Variants in CACNA1D observed in about 807,000 individuals in gnomAD.
CACNA1D encodes the protein calcium voltage-gated channel subunit alpha1 D.
In CACNA1D, 55 loss-of-function variants were observed where a neutral mutation model predicts 257.1. The observed-to-expected ratio is 0.21, with a 90% confidence interval of 0.17 to 0.27. The LOEUF (loss-of-function observed/expected upper bound fraction) is 0.27. Ranked by LOEUF, CACNA1D falls within the 10% of genes least tolerant of loss-of-function variation. CACNA1D has a pLI of 1.00. For missense variants in CACNA1D, 1,876 were observed against 2,784.0 expected (o/e 0.67, Z 7.34); for synonymous variants, 980 against 1,014.9 (o/e 0.97, Z 0.65).
chr3:53,645,287 T>C (rs571154797), intron 3 of CACNA1D, among the ~76,000 whole-genome samples: 1 of 152,326 alleles, frequency 6.6e-6, no homozygotes, highest in Non-Finnish European at 1.5e-5. Context: ...ATTCTGGTGG[T>C]TTTCCCTTTG....
chr3:53,747,485 C>A (rs1024596965), intron 26 of CACNA1D, 37 bp downstream of exon 26: 1 of 1,609,334 alleles, frequency 6.2e-7, no homozygotes, highest in Non-Finnish European at 8.5e-7. Flanking sequence ...TGGAGAGGCA[C>A]CTGCGTGCCC....
Position 53,810,090 on chromosome 3 carries a change from C to T in CACNA1D, c.5984C>T (p.Pro1995Leu), listed in dbSNP as rs780303719. The change falls in exon 47 of 48, where the codon CCG (proline) becomes CTG (leucine). Residue 1995 changes from proline to leucine, a missense_variant. Transcript: ENST00000350061. ...PATPPYRDWT[P>L]CYTPLIQVEQ... is the part of the protein sequence containing the mutation. ...ACCCCTCCCTACCGGGACTGGACAC[C>T]GTGCTACACCCCCCTGATCCAAGTG... The T allele has an allele frequency of 9.9e-6, 16 of 1,613,940 alleles. No homozygotes were observed. The highest frequency in any genetic ancestry group is 1.3e-5 in the African/African-American group (1 of 75,030).
intron 3 of CACNA1D, among the ~76,000 whole-genome samples, chr3:53,517,005 GC>G (rs1446330575): frequency 1.3e-5 from 2 of 152,140 alleles, no homozygotes; most frequent in African/African-American, 4.8e-5. Flanking sequence ...TTGAGTCCCT[GC>G]TCTGTAACTT....
Position 53,522,189 on chromosome 3 carries a change from C to T in CACNA1D, c.483+20469C>T, listed in dbSNP as rs1034996220. On this transcript the variant is annotated intron_variant, in intron 3 of 47. Transcript: ENST00000350061. ...ATTTATATATGGCCACCGTATTAGA[C>T]GACATATGGGTTGTTTCCATGATTG... Among the ~76,000 whole-genome samples, 6 of 152,106 alleles carry T rather than the reference C, an allele frequency of 3.9e-5. No homozygotes were observed. In the South Asian group the frequency reaches 1.0e-3, roughly 26 times the overall value.
Position 53,747,358 on chromosome 3 carries a change from G to A in CACNA1D, c.3224G>A (p.Arg1075Gln). 1 of 1,613,830 alleles carries A rather than the reference G, an allele frequency of 6.2e-7. No homozygotes were observed. Among genetic ancestry groups the A allele is most frequent in the Non-Finnish European group, 8.5e-7 (1 of 1,179,722 alleles). Residue 1075 changes from arginine to glutamine, a missense_variant, in exon 26 of 48, where the codon CGG (arginine) becomes CAG (glutamine). Arg to Gln is a conservative substitution (Grantham distance 43). This residue lies in a region of CACNA1D where 271 missense variants were observed against 425.5 expected (regional missense o/e 0.64). Transcript: ENST00000350061. ...GTTGACAGTCCTGTGGTCCGTGAAC[G>A]GATCTGGCAAAACAGTGATTTCAAC... is the stretch of plus-strand genomic sequence containing the variant. ...GDVDSPVVRE[R>Q]IWQNSDFNFD...
intron 29 of CACNA1D, among the ~76,000 whole-genome samples, chr3:53,758,510 A>G (rs969958370): frequency 6.6e-6 from 1 of 152,188 alleles, no homozygotes; most frequent in African/African-American, 2.4e-5. Flanking sequence ...GCCAGGAATA[A>G]GAGATGTGCC....
chr3:53,773,673 CTT>C (rs34213200), intron 33 of CACNA1D: 42 of 148,652 alleles, frequency 2.8e-4, no homozygotes, highest in African/African-American at 2.2e-4. Flanking sequence ...TTTCTTTTTT[CTT>C]TTTTTTTTTT....
At chr3:53,711,277 T>A (rs1442887507) in intron 9 of CACNA1D, among the ~76,000 whole-genome samples, 1 of 152,144 alleles carries the variant, frequency 6.6e-6, no homozygotes, top group Non-Finnish European at 1.5e-5. Flanking sequence ...AAAATAGACT[T>A]CAGGGATGCA....
intron 3 of CACNA1D, among the ~76,000 whole-genome samples, chr3:53,504,537 C>G (rs182728321): frequency 6.6e-6 from 1 of 152,284 alleles, no homozygotes; most frequent in Non-Finnish European, 1.5e-5. Context: ...TCAAGTTTCT[C>G]TGCAGCTTTC....
chr3:53,533,263 T>C (rs909583733), intron 3 of CACNA1D, among the ~76,000 whole-genome samples: 1 of 152,220 alleles, frequency 6.6e-6, no homozygotes, highest in Non-Finnish European at 1.5e-5. Context: ...CATTTTCATT[T>C]TGATAGTCTT....
intron 3 of CACNA1D, among the ~76,000 whole-genome samples, chr3:53,528,602 G>C (rs895699968): frequency 6.6e-6 from 1 of 152,108 alleles, no homozygotes; most frequent in Non-Finnish European, 1.5e-5. Context: ...AGATGACGTC[G>C]AATCTATAGG....
At position 53,722,336 on chromosome 3, in the gene CACNA1D, C is replaced by A. The variant is rs765259365; in HGVS notation, c.1528C>A (p.Arg510=). ...KLSRRWRRWN[R]FNRRRCRAAV... is the part of the protein sequence containing the mutation. ...TAGCCGACGCTGGCGTCGCTGGAAC[C>A]GATTCAATCGCAGAAGATGTAGGGC... The change falls in exon 12 of 48, where the codon CGA becomes AGA. Residue 510 remains arginine (R), a synonymous_variant. Coordinates refer to ENST00000350061, the MANE Select transcript of CACNA1D (RefSeq NM_001128840.3). The A allele has an allele frequency of 9.9e-6, 16 of 1,614,196 alleles. No individual in the cohort carries two copies. Among genetic ancestry groups the A allele is most frequent in the Admixed American group, 1.7e-5 (1 of 60,026 alleles).
Position 53,698,325 on chromosome 3 carries a change from G to A in CACNA1D, c.1221-4316G>A, listed in dbSNP as rs76491309. Among the ~76,000 whole-genome samples the A allele has an allele frequency of 4.2e-3, 632 of 152,242 alleles. 24 individuals are homozygous for A. The East Asian group carries it at 0.084, about 20-fold the overall frequency. ...ACTCACTGGCTAAATCCTGTAATAT[G>A]TCTAAGATAGTTTCAGAATGGTCTC... On this transcript the variant is annotated intron_variant, in intron 8 of 47. Transcript: ENST00000350061.
Position 53,723,827 on chromosome 3 carries a change from T to G in CACNA1D, c.1928T>G (p.Leu643Ter), listed in dbSNP as rs1438719951. Reference sequence around the variant, plus strand: ...TCCCTGAGCAACTTAGTGGCATCCTTATTAAACTCCATGAAGTCCATCGCT... The same window carrying G: ...TCCCTGAGCAACTTAGTGGCATCCTGATTAAACTCCATGAAGTCCATCGCT... Reference protein sequence around the residue: ...WTSLSNLVASLLNSMKSIASL... With the variant: ...WTSLSNLVAS The change falls in exon 14 of 48, where the codon TTA (leucine) becomes TGA (stop). Residue 643 changes from leucine (L) to a stop codon, truncating the protein, a stop_gained. Coordinates refer to ENST00000350061, the MANE Select transcript of CACNA1D (RefSeq NM_001128840.3). LOFTEE classifies it high-confidence loss of function. The surrounding 1 kb of genome is among the most constrained non-coding windows in gnomAD (Gnocchi z 5.6). 6.2e-7 allele frequency: 1 copy of G among 1,614,206 alleles called. No individual in the cohort carries two copies. The highest frequency in any genetic ancestry group is 8.5e-7 in the Non-Finnish European group (1 of 1,180,010).
chr3:53,739,055 A>C (rs1559602265), intron 20 of CACNA1D, among the ~76,000 whole-genome samples: 1 of 152,212 alleles, frequency 6.6e-6, no homozygotes. Flanking sequence ...TTGGAAAGTG[A>C]ATACCCTCTG....
intron 3 of CACNA1D, among the ~76,000 whole-genome samples, chr3:53,588,741 T>C (rs1326141242): frequency 6.6e-6 from 1 of 152,210 alleles, no homozygotes; most frequent in Non-Finnish European, 1.5e-5. Context: ...CCAGATACTT[T>C]CTAACCTTAA....
At chr3:53,701,040 G>T (rs1282484395) in intron 8 of CACNA1D, among the ~76,000 whole-genome samples, 1 of 152,030 alleles carries the variant, frequency 6.6e-6, no homozygotes, top group Non-Finnish European at 1.5e-5. Context: ...CTTATCTGAA[G>T]TATTAGTGTC....
intron 14 of CACNA1D, among the ~76,000 whole-genome samples, chr3:53,724,556 A>G (rs1176213650): frequency 1.3e-5 from 2 of 152,148 alleles, no homozygotes; most frequent in East Asian, 3.9e-4. Context: ...GCAGTAGCTG[A>G]GAAGGGAGCG....
Position 53,673,817 on chromosome 3 carries a change from G to A in CACNA1D, c.1220+691G>A. On this transcript the variant is annotated intron_variant, in intron 8 of 47. Transcript: ENST00000350061. The surrounding 1 kb of genome is among the most constrained non-coding windows in gnomAD (Gnocchi z 4.1). ...ACCTGGTTCTTGGTGTCCTTAGTGG[G>A]TAAGCAGTCGGATCCGTGTTGCACC... is the stretch of plus-strand genomic sequence containing the variant. 1.3e-6 allele frequency: 2 copies of A among 1,596,696 alleles called. No individual in the cohort carries two copies. Among genetic ancestry groups the A allele is most frequent in the Non-Finnish European group, 1.7e-6 (2 of 1,164,098 alleles).
Sources: gnomAD v4.1 joint callset for allele counts (sites outside exome capture counted in the v4.1 genomes callset) on GRCh38, gnomAD v4.1.1 for gene constraint, gnomAD v4.1.1 regional missense constraint, Gnocchi (gnomAD v3.1) non-coding constraint, MANE v1.5 for transcripts, NCBI Gene and HGNC (gene_info 2026-07-23, HGNC 2026-07-21) for gene names.